FARS2: variants seen among roughly 807,000 people sequenced by gnomAD.
FARS2 encodes phenylalanyl-tRNA synthetase 2, mitochondrial, also known as phenylalanine--tRNA ligase, mitochondrial.
A neutral mutation model predicts 46.4 loss-of-function variants in FARS2; 40 were observed. The observed-to-expected ratio is 0.86, with a 90% confidence interval of 0.67 to 1.12. The LOEUF (loss-of-function observed/expected upper bound fraction) is 1.12. Ranked by LOEUF, FARS2 falls within the 50% of genes most tolerant of loss-of-function variation. The pLI is 0.00. For missense variants in FARS2, 513 were observed against 567.9 expected (o/e 0.90, Z 0.98); for synonymous variants, 234 against 214.9 (o/e 1.09, Z -0.78).
In FARS2 at chr6:5,446,733, G is replaced by A. The variant is rs1764207699; in HGVS notation, c.904+15561G>A. Among the ~76,000 whole-genome samples, 3 of 152,200 alleles carry A rather than the reference G, an allele frequency of 2.0e-5. No homozygotes were observed. In the South Asian group the frequency reaches 6.2e-4, roughly 32 times the overall value. On this transcript the variant is annotated intron_variant, in intron 4 of 6. Coordinates refer to ENST00000274680, the MANE Select transcript of FARS2 (RefSeq NM_006567.5). ...GGAGGTTTTTAAAGTACATTTTATT[G>A]TGTATATTTAAGGTATACAACATGA... is the stretch of plus-strand genomic sequence containing the variant.
In FARS2 at chr6:5,658,204, C is replaced by T. The variant is rs9502327; in HGVS notation, c.1217+44884C>T. 7.6e-3 allele frequency among the ~76,000 whole-genome samples: 1,139 copies of T among 150,610 alleles called. 10 individuals carry two copies. The highest frequency in any genetic ancestry group is 0.027 in the African/African-American group (1,086 of 40,878). ...CCGGAAGGTGGAGTTTGTGGTGAGC[C>T]GAGATCGTGCCATTGCTCTCCAGCC... On this transcript the variant is annotated intron_variant, in intron 6 of 6. Transcript: ENST00000274680.
At chr6:5,676,462 G>A (rs1043665440) in intron 6 of FARS2, among the ~76,000 whole-genome samples, 1 of 152,162 alleles carries the variant, frequency 6.6e-6, no homozygotes, top group Admixed American at 6.5e-5. Context: ...TGCCTGTGGT[G>A]TCCGAGTCTG....
chr6:5,712,733 A>AGTCCTTGCC (rs1044468988), intron 6 of FARS2, among the ~76,000 whole-genome samples: 10 of 152,176 alleles, frequency 6.6e-5, no homozygotes, highest in African/African-American at 2.4e-4. Context: ...CACCTGTCCC[A>AGTCCTTGCC]GTCCTTGCCG....
At chr6:5,418,682 CTT>C (rs1485293710) in intron 3 of FARS2, among the ~76,000 whole-genome samples, 3 of 152,126 alleles carry the variant, frequency 2.0e-5, no homozygotes, top group Non-Finnish European at 4.4e-5. Flanking sequence ...GCGCAGCTCT[CTT>C]CTCTCCTTTA....
chr6:5,516,526 G>C (rs575290147), intron 4 of FARS2, among the ~76,000 whole-genome samples: 42 of 152,300 alleles, frequency 2.8e-4, no homozygotes, highest in African/African-American at 9.4e-4. Flanking sequence ...AGGAACCTGG[G>C]CACCTTTCTG....
At chr6:5,444,782 GGGC>G (rs1562045926) in intron 4 of FARS2, among the ~76,000 whole-genome samples, 2 of 72,612 alleles carry the variant, frequency 2.8e-5, no homozygotes, top group African/African-American at 8.2e-5. Context: ...CAGTAAAATG[GGGC>G]GGGGGGGAAC....
intron 4 of FARS2, among the ~76,000 whole-genome samples, chr6:5,503,839 T>C (rs563239789): frequency 6.6e-6 from 1 of 152,328 alleles, no homozygotes; most frequent in South Asian, 2.1e-4. Context: ...ATTGATCAGA[T>C]TTTAGAAATA....
intron 4 of FARS2, among the ~76,000 whole-genome samples, chr6:5,464,460 T>C (rs1328372551): frequency 6.6e-6 from 1 of 152,208 alleles, no homozygotes; most frequent in Non-Finnish European, 1.5e-5. Context: ...ATTGGGGATA[T>C]GTTAGGGGAG....
At chr6:5,702,892 C>T (rs1211910537) in intron 6 of FARS2, among the ~76,000 whole-genome samples, 1 of 152,106 alleles carries the variant, frequency 6.6e-6, no homozygotes, top group Non-Finnish European at 1.5e-5. Context: ...TTTCCTGTAC[C>T]CCCTGGGATG....
chr6:5,308,475 G>T (rs1226173988), intron 1 of FARS2, among the ~76,000 whole-genome samples: 1 of 152,170 alleles, frequency 6.6e-6, no homozygotes, highest in African/African-American at 2.4e-5. Flanking sequence ...CTGGTAAAGG[G>T]CCATAAGTTT....
At chr6:5,629,631 T>G (rs186961698) in intron 6 of FARS2, among the ~76,000 whole-genome samples, 2 of 152,286 alleles carry the variant, frequency 1.3e-5, no homozygotes, top group African/African-American at 4.8e-5. Flanking sequence ...GGAGAGTCAT[T>G]AAATAATCCT....
intron 1 of FARS2, among the ~76,000 whole-genome samples, chr6:5,321,832 T>C (rs1018048382): frequency 6.6e-6 from 1 of 152,238 alleles, no homozygotes; most frequent in Non-Finnish European, 1.5e-5. Context: ...TTTCCCGGAA[T>C]CTTTAGTAAA....
In FARS2 at chr6:5,613,231, C is replaced by T. The variant is rs139204875; in HGVS notation, c.1128C>T (p.Tyr376=). 1.0e-4 allele frequency: 167 copies of T among 1,612,938 alleles called. No homozygotes were observed. In the African/African-American group the frequency reaches 2.0e-3, roughly 19 times the overall value. The change falls in exon 6 of 7, where the codon TAC becomes TAT. Residue 376 remains tyrosine, a synonymous_variant. Transcript: ENST00000274680. ...CATTCTGGTTGCCCTCTGAGAATTA[C>T]GCAGAAAATGATTTCTATGACTTAG... ...DISFWLPSEN[Y]AENDFYDLVR...
chr6:5,354,716 T>C (rs962391342), intron 1 of FARS2, among the ~76,000 whole-genome samples: 4 of 152,118 alleles, frequency 2.6e-5, no homozygotes, highest in Non-Finnish European at 5.9e-5. Context: ...GGTTTCACCA[T>C]GTTAGCCAGG....
intron 5 of FARS2, among the ~76,000 whole-genome samples, chr6:5,589,527 A>G (rs559446654): frequency 3.3e-5 from 5 of 152,330 alleles, no homozygotes; most frequent in African/African-American, 1.2e-4. Context: ...TCGCTTTGGC[A>G]GTACCATGTT....
intron 4 of FARS2, among the ~76,000 whole-genome samples, chr6:5,444,027 A>G (rs1300635104): frequency 6.6e-6 from 1 of 151,428 alleles, no homozygotes; most frequent in African/African-American, 2.4e-5. Context: ...CCAGACAGGG[A>G]TTGGTGGTGG....
chr6:5,533,323 TGATA>T (rs1458179242), intron 4 of FARS2, among the ~76,000 whole-genome samples: 1 of 152,236 alleles, frequency 6.6e-6, no homozygotes, highest in Admixed American at 6.5e-5. Context: ...CTTTATAATA[TGATA>T]GATAAAATCT....
At chr6:5,745,701 G>T (rs1561834798) in intron 6 of FARS2, among the ~76,000 whole-genome samples, 1 of 152,030 alleles carries the variant, frequency 6.6e-6, no homozygotes, top group Non-Finnish European at 1.5e-5. Flanking sequence ...CACCATGCCT[G>T]GCTAATTTAT....
At chr6:5,366,442 T>C (rs1465286183) in intron 1 of FARS2, among the ~76,000 whole-genome samples, 2 of 152,192 alleles carry the variant, frequency 1.3e-5, no homozygotes, top group Non-Finnish European at 2.9e-5. Context: ...TAGTCATCCA[T>C]CTCTCTCTGT....
Sources: allele counts gnomAD v4.1 joint callset (sites outside exome capture counted in the v4.1 genomes callset), GRCh38; gene constraint gnomAD v4.1.1; transcripts MANE v1.5; gene names NCBI Gene and HGNC (gene_info 2026-07-23, HGNC 2026-07-21).